BANK1: variants seen among roughly 807,000 people sequenced by gnomAD.
The protein encoded by BANK1 is B-cell scaffold protein with ankyrin repeats.
A neutral mutation model predicts 94.5 loss-of-function variants in BANK1; 95 were observed. The ratio of observed to expected loss-of-function variants is 1.00; its 90% CI spans 0.85 to 1.19. The LOEUF (loss-of-function observed/expected upper bound fraction) is 1.19, where lower values mean the gene tolerates loss of function less well. Among genes scored for constraint, BANK1 ranks in the 50% most tolerant of loss-of-function variants. The pLI is 0.00. For missense variants in BANK1, 987 were observed against 932.2 expected, an observed-to-expected ratio of 1.06 and a Z score of -0.77; for synonymous variants, 334 against 308.4, an observed-to-expected ratio of 1.08 and a Z score of -0.87.
At chr4:101,839,075 G>A (rs928476605) in intron 2 of BANK1, among the ~76,000 whole-genome samples, 6 of 152,082 alleles carry the variant, frequency 3.9e-5, no homozygotes, top group Admixed American at 6.5e-5. Flanking sequence ...AAAAAATAAA[G>A]ATTTTAAAAG....
rs1415521261 is a variant in BANK1 at position 101,828,388 on chromosome 4, TA to T, written c.71-1419del. ...AGATATGTAGATGAGTGAATTTATA[TA>T]TATATATATATATATATATATCTCC... On this transcript the variant is annotated intron_variant, in intron 1 of 16. Transcript: ENST00000322953. 2.7e-3 allele frequency among the ~76,000 whole-genome samples: 150 copies of T among 55,868 alleles called. 1 individual carries two copies. Among genetic ancestry groups the T allele is most frequent in the African/African-American group, 0.024 (131 of 5,524 alleles). 36.7% of individuals were successfully genotyped at this position (55,868 alleles called of 152,430 possible).
chr4:101,954,159 T>A lies in BANK1; in HGVS notation c.1206+35970T>A, dbSNP rs1254277409. 2.6e-5 allele frequency among the ~76,000 whole-genome samples: 4 copies of A among 152,162 alleles called. No individual in the cohort carries two copies. In the East Asian group the frequency reaches 7.7e-4, roughly 29 times the overall value. On this transcript the variant is annotated intron_variant, in intron 7 of 16. Transcript: ENST00000322953. The stretch of plus-strand genomic sequence containing the variant: ...TGTGTGTATCTCTGTGTCCGTGTCT[T>A]CACAAGGCTCTCTTAAAAGGACATC...
intron 1 of BANK1, among the ~76,000 whole-genome samples, chr4:101,817,863 C>T (rs1048471539): frequency 1.4e-4 from 21 of 150,604 alleles, no homozygotes; most frequent in African/African-American, 4.9e-4. Flanking sequence ...TTTAGCTCAT[C>T]AGCTGTCATT....
chr4:102,010,196 C>T (rs978704300), intron 7 of BANK1, among the ~76,000 whole-genome samples: 8 of 151,726 alleles, frequency 5.3e-5, no homozygotes, highest in Non-Finnish European at 4.4e-5. Flanking sequence ...ACCCGGGAGG[C>T]AGAGCTTGCA....
chr4:102,059,517 A>G (rs1343631294), intron 11 of BANK1, among the ~76,000 whole-genome samples: 1 of 152,148 alleles, frequency 6.6e-6, no homozygotes, highest in African/African-American at 2.4e-5. Flanking sequence ...ATGCAGGCCT[A>G]TTTATGTCTT....
intron 7 of BANK1, among the ~76,000 whole-genome samples, chr4:101,998,166 C>T (rs557588747): frequency 7.2e-5 from 11 of 152,146 alleles, no homozygotes; most frequent in African/African-American, 2.2e-4. Flanking sequence ...GCCTTAATTT[C>T]GTTATTTACC....
chr4:101,855,133 G>A lies in BANK1; in HGVS notation c.568G>A (p.Ala190Thr). ...AAAGGAAATTGAAGAACTATCAGAA[G>A]CTTCAAGAAACACCATACCACTAGC... is the stretch of plus-strand genomic sequence containing the variant. Reference protein sequence around the residue: ...ERKEIEELSEASRNTIPLAVV... With the variant: ...ERKEIEELSETSRNTIPLAVV... The change falls in exon 3 of 17, where the codon GCT (alanine) becomes ACT (threonine). Residue 190 changes from alanine to threonine, a missense_variant. Physicochemically the swap from Ala to Thr is moderately conservative, Grantham distance 58. Transcript: ENST00000322953. 6.2e-7 allele frequency: 1 copy of A among 1,613,654 alleles called. No homozygotes were observed. Among genetic ancestry groups the A allele is most frequent in the Non-Finnish European group, 8.5e-7 (1 of 1,179,604 alleles).
intron 1 of BANK1, among the ~76,000 whole-genome samples, chr4:101,792,255 T>TCCCCCCCCCCCCCCCCCCCCCCCCC (rs771698917): frequency 8.5e-5 from 11 of 128,750 alleles, no homozygotes; most frequent in South Asian, 2.8e-4. Flanking sequence ...TGCATTCCGC[T>TCCCCCCCCCCCCCCCCCCCCCCCCC]CCCCCCCCGC....
At chr4:101,820,496 G>A (rs926722504) in intron 1 of BANK1, among the ~76,000 whole-genome samples, 18 of 151,940 alleles carry the variant, frequency 1.2e-4, no homozygotes, top group African/African-American at 3.6e-4. Context: ...TTTTAGTTTA[G>A]GGCCTACATG....
intron 2 of BANK1, among the ~76,000 whole-genome samples, chr4:101,842,750 G>A (rs1233588441): frequency 1.3e-5 from 2 of 152,068 alleles, no homozygotes; most frequent in African/African-American, 4.8e-5. Context: ...ATAAAAACCC[G>A]GGCACATGGA....
At chr4:101,841,500 A>G (rs1005372610) in intron 2 of BANK1, among the ~76,000 whole-genome samples, 1 of 152,164 alleles carries the variant, frequency 6.6e-6, no homozygotes, top group African/African-American at 2.4e-5. Flanking sequence ...TATATTGACA[A>G]CTATTCCATG....
rs1406805914 is a variant in BANK1 at position 101,986,895 on chromosome 4, GTGTGTA to G, written c.1207-34617_1207-34612del. On this transcript the variant is annotated intron_variant, in intron 7 of 16. Coordinates refer to ENST00000322953, the MANE Select transcript of BANK1 (RefSeq NM_017935.5). ...TGTATGTGTGTGTGTGTGTGTGTGT[GTGTGTA>G]TATATATATATATATATATATATAT... Among the ~76,000 whole-genome samples the G allele has an allele frequency of 2.0e-4, 13 of 64,676 alleles. 1 individual carries two copies. The South Asian group carries it at 5.0e-3, about 25-fold the overall frequency. The allele number at this position is 64,676 out of a possible 152,430, so 42.4% of individuals were successfully genotyped here. A position where few individuals can be genotyped will look rare whatever the true frequency, so the allele number is the denominator to read the frequency against.
rs548683259 is a variant in BANK1, at chr4:101,942,128, G to A, written c.1206+23939G>A. On this transcript the variant is annotated intron_variant, in intron 7 of 16. Transcript: ENST00000322953. ...CCAGTCAGCAGGACTGAAACATCTGGGTGACTACCAGCCTCAGCATTTTGC... is the reference window on the plus strand; with the variant it reads ...CCAGTCAGCAGGACTGAAACATCTGAGTGACTACCAGCCTCAGCATTTTGC... Among the ~76,000 whole-genome samples, 42 of 151,874 alleles carry A rather than the reference G, an allele frequency of 2.8e-4. No homozygotes were observed. The South Asian group carries it at 8.7e-3, about 32-fold the overall frequency.
intron 5 of BANK1, among the ~76,000 whole-genome samples, chr4:101,877,794 A>C (rs990890783): frequency 2.6e-5 from 4 of 152,106 alleles, no homozygotes; most frequent in Non-Finnish European, 5.9e-5. Flanking sequence ...CTGAGGCAGG[A>C]GACTTGCTTG....
intron 1 of BANK1, among the ~76,000 whole-genome samples, chr4:101,829,570 T>C (rs1361552351): frequency 1.3e-5 from 2 of 152,036 alleles, no homozygotes; most frequent in Non-Finnish European, 2.9e-5. Context: ...TTTTGGCTCG[T>C]TTCCTTATTT....
At chr4:101,952,064 T>TAATA (rs1450907553) in intron 7 of BANK1, among the ~76,000 whole-genome samples, 2 of 152,010 alleles carry the variant, frequency 1.3e-5, no homozygotes, top group African/African-American at 4.8e-5. Flanking sequence ...TTTTACCTAT[T>TAATA]AATAAATAAA....
chr4:101,976,528 A>G (rs1375624451), intron 7 of BANK1, among the ~76,000 whole-genome samples: 1 of 152,172 alleles, frequency 6.6e-6, no homozygotes, highest in South Asian at 2.1e-4. Context: ...AGTATTGATT[A>G]GACAATTTTC....
chr4:101,937,050 A>T (rs1368504522), intron 7 of BANK1, among the ~76,000 whole-genome samples: 1 of 151,706 alleles, frequency 6.6e-6, no homozygotes, highest in East Asian at 2.0e-4. Flanking sequence ...GAAGCTACCT[A>T]AGTGTCCCTC....
intron 10 of BANK1, among the ~76,000 whole-genome samples, chr4:102,038,712 T>A (rs1165703093): frequency 2.6e-5 from 4 of 152,132 alleles, no homozygotes; most frequent in Admixed American, 6.6e-5. Flanking sequence ...ATTATAAAAG[T>A]TTCTAGAATG....
Sources: allele counts gnomAD v4.1 joint callset (sites outside exome capture counted in the v4.1 genomes callset), GRCh38; gene constraint gnomAD v4.1.1; transcripts MANE v1.5; gene names NCBI Gene and HGNC (gene_info 2026-07-23, HGNC 2026-07-21).